The following TNKS variants were observed in gnomAD, a reference collection of about 807,000 sequenced individuals.
TNKS encodes the protein tankyrase.
In TNKS, 72 loss-of-function variants were observed where a neutral mutation model predicts 135.8. The ratio of observed to expected loss-of-function variants is 0.53; its 90% CI spans 0.44 to 0.64. TNKS has a LOEUF of 0.64. Among genes scored for constraint, TNKS ranks in the 30% least tolerant of loss-of-function variants. TNKS has a pLI of 0.00. For missense variants in TNKS, 1,769 were observed against 1,674.0 expected (o/e 1.06, Z -0.99); for synonymous variants, 849 against 649.3 (o/e 1.31, Z -4.68).
chr8:9,759,666 T>C (rs1205862826), intron 20 of TNKS, among the ~76,000 whole-genome samples: 6 of 152,134 alleles, frequency 3.9e-5, no homozygotes, highest in Non-Finnish European at 7.4e-5. Flanking sequence ...GTGCACTGTA[T>C]GTATCAATCC....
intron 17 of TNKS, among the ~76,000 whole-genome samples, chr8:9,743,952 A>G (rs1329992986): frequency 6.6e-6 from 1 of 152,160 alleles, no homozygotes; most frequent in African/African-American, 2.4e-5. Context: ...GTAGCTGTGA[A>G]ATTACATAGT....
At chr8:9,620,837 A>G (rs910265069) in intron 3 of TNKS, among the ~76,000 whole-genome samples, 1 of 152,158 alleles carries the variant, frequency 6.6e-6, no homozygotes, top group Non-Finnish European at 1.5e-5. Context: ...GGTATCTGGC[A>G]TTGCATTGTG....
At chr8:9,669,136 G>A (rs1242719569) in intron 3 of TNKS, among the ~76,000 whole-genome samples, 1 of 152,142 alleles carries the variant, frequency 6.6e-6, no homozygotes, top group Non-Finnish European at 1.5e-5. Context: ...ATGGAAAAAA[G>A]GGCCGGGCGC....
intron 12 of TNKS, among the ~76,000 whole-genome samples, chr8:9,725,387 CT>C (rs1805114107): frequency 6.6e-6 from 1 of 152,124 alleles, no homozygotes; most frequent in African/African-American, 2.4e-5. Flanking sequence ...ATATGAAACA[CT>C]CTCTTTTTTC....
intron 1 of TNKS, among the ~76,000 whole-genome samples, chr8:9,559,699 T>C (rs1051417316): frequency 6.6e-6 from 1 of 152,170 alleles, no homozygotes; most frequent in Non-Finnish European, 1.5e-5. Context: ...AGTGAGAACA[T>C]GTGGTATTTG....
At chr8:9,663,170 ATCCCTGCTCAT>A (rs1402093549) in intron 3 of TNKS, among the ~76,000 whole-genome samples, 1 of 152,238 alleles carries the variant, frequency 6.6e-6, no homozygotes, top group Non-Finnish European at 1.5e-5. Context: ...GAAGGAACAC[ATCCCTGCTCAT>A]CCATTTTAGA....
intron 2 of TNKS, among the ~76,000 whole-genome samples, chr8:9,586,103 A>G (rs547387765): frequency 1.3e-5 from 2 of 152,142 alleles, no homozygotes; most frequent in African/African-American, 4.8e-5. Flanking sequence ...TTATTTGGCA[A>G]CTGCTTTTAT....
At chr8:9,656,077 C>T (rs1197625939) in intron 3 of TNKS, among the ~76,000 whole-genome samples, 23 of 152,076 alleles carry the variant, frequency 1.5e-4, no homozygotes, top group African/African-American at 9.7e-5. Context: ...AACCACGGCA[C>T]GAGAACTATG....
intron 2 of TNKS, among the ~76,000 whole-genome samples, chr8:9,595,724 G>A (rs1798759477): frequency 6.6e-6 from 1 of 152,070 alleles, no homozygotes; most frequent in African/African-American, 2.4e-5. Flanking sequence ...TTTTTACAGT[G>A]ATGCAAGGCT....
chr8:9,704,495 C>A (rs556322803), intron 5 of TNKS, among the ~76,000 whole-genome samples, 168 bp from the exon 6 acceptor site: 4 of 152,192 alleles, frequency 2.6e-5, no homozygotes, highest in African/African-American at 9.6e-5. Context: ...AGTATTGACT[C>A]CTGAGGGCAG....
At chr8:9,753,836 AGCTTAC>A (rs1299772780) in intron 20 of TNKS, among the ~76,000 whole-genome samples, 2 of 152,160 alleles carry the variant, frequency 1.3e-5, no homozygotes, top group East Asian at 1.9e-4. Flanking sequence ...CTTTGTTTTC[AGCTTAC>A]GCTTACGCTT....
intron 20 of TNKS, among the ~76,000 whole-genome samples, chr8:9,758,566 C>G (rs1806969803): frequency 6.6e-6 from 1 of 152,188 alleles, no homozygotes; most frequent in African/African-American, 2.4e-5. Flanking sequence ...TCCACAGTTT[C>G]TGTATGTCAA....
rs537261357 is a variant in TNKS, at chr8:9,635,647, GA to G, written c.994+19972del. Reference sequence around the variant, plus strand: ...ATATCAAAATTAACATCACTAATGAGAATGAATTAAGCCTGTGTGCTGGCAG... The same window carrying G: ...ATATCAAAATTAACATCACTAATGAGATGAATTAAGCCTGTGTGCTGGCAG... On this transcript the variant is annotated intron_variant, in intron 3 of 26. Transcript: ENST00000310430. Among the ~76,000 whole-genome samples, 221 of 152,312 alleles carry G rather than the reference GA, an allele frequency of 1.5e-3. 1 individual carries two copies. The highest frequency in any genetic ancestry group is 5.0e-3 in the African/African-American group (209 of 41,566).
At chr8:9,670,387 C>T (rs570996827) in intron 3 of TNKS, among the ~76,000 whole-genome samples, 23 of 152,190 alleles carry the variant, frequency 1.5e-4, no homozygotes, top group Non-Finnish European at 3.1e-4. Flanking sequence ...TATTGGGAAA[C>T]CATTCGCCTG....
chr8:9,747,938 A>C (rs1006929505), intron 17 of TNKS, 86 bp from the exon 18 acceptor site: 2 of 1,273,848 alleles, frequency 1.6e-6, no homozygotes, highest in African/African-American at 1.5e-5. Context: ...AGAGGAGTGA[A>C]TTGTTAAATA....
chr8:9,669,665 G>A (rs918091046), intron 3 of TNKS, among the ~76,000 whole-genome samples: 1 of 152,030 alleles, frequency 6.6e-6, no homozygotes, highest in African/African-American at 2.4e-5. Flanking sequence ...ATTCAGCTTG[G>A]ACTTAATGGA....
chr8:9,714,736 A>AGTG (rs1804519876), intron 11 of TNKS, among the ~76,000 whole-genome samples: 2 of 152,224 alleles, frequency 1.3e-5, no homozygotes, highest in Non-Finnish European at 2.9e-5. Flanking sequence ...ATTGGGTGTT[A>AGTG]GAGTGGACTT....
chr8:9,739,235 G>C (rs1312966868), intron 17 of TNKS, among the ~76,000 whole-genome samples: 1 of 85,974 alleles, frequency 1.2e-5, no homozygotes. Context: ...CCATCAAAAA[G>C]TGGGCGAAGG....
At chr8:9,765,256 G>C (rs992019683) in intron 23 of TNKS, among the ~76,000 whole-genome samples, 1 of 152,048 alleles carries the variant, frequency 6.6e-6, no homozygotes, top group African/African-American at 2.4e-5. Flanking sequence ...GTATCATAAA[G>C]ATGAATAAAA....
Sources: allele counts gnomAD v4.1 joint callset (sites outside exome capture counted in the v4.1 genomes callset), GRCh38; gene constraint gnomAD v4.1.1; transcripts MANE v1.5; gene names NCBI Gene and HGNC (gene_info 2026-07-23, HGNC 2026-07-21).